FAM76A: variants seen among roughly 807,000 people sequenced by gnomAD.
The protein encoded by FAM76A is protein FAM76A.
A neutral mutation model predicts 46.2 loss-of-function variants in FAM76A; 32 were observed. The ratio of observed to expected loss-of-function variants is 0.69; its 90% CI spans 0.52 to 0.93. The LOEUF (loss-of-function observed/expected upper bound fraction) is 0.93. Ranked by LOEUF, FAM76A falls within the 40% of genes least tolerant of loss-of-function variation. The pLI is 0.00. For synonymous variants in FAM76A, 137 were observed against 127.0 expected, an observed-to-expected ratio of 1.08 and a Z score of -0.53; for missense variants, 274 against 361.5, an observed-to-expected ratio of 0.76 and a Z score of 1.96.
At chr1:27,744,215 G>A (rs1557781514) in intron 4 of FAM76A, among the ~76,000 whole-genome samples, 1 of 152,044 alleles carries the variant, frequency 6.6e-6, no homozygotes, top group African/African-American at 2.4e-5. Context: ...CACAACCTCC[G>A]CCTCCTGGGT....
chr1:27,726,573 G>A (rs545610645), intron 1 of FAM76A, among the ~76,000 whole-genome samples: 1 of 152,266 alleles, frequency 6.6e-6, no homozygotes, highest in East Asian at 1.9e-4. Flanking sequence ...TGTCGAACTC[G>A]GGCTCCTCAC....
At chr1:27,733,227 C>T (rs1179647643) in intron 3 of FAM76A, among the ~76,000 whole-genome samples, 2 of 152,196 alleles carry the variant, frequency 1.3e-5, no homozygotes, top group South Asian at 2.1e-4. Context: ...CCACTGCACC[C>T]GGCAAGATGA....
In FAM76A at chr1:27,755,304, C is replaced by A; in HGVS notation, c.709C>A (p.Gln237Lys). The A allele has an allele frequency of 6.2e-7, 1 of 1,614,124 alleles. No individual in the cohort carries two copies. The highest frequency in any genetic ancestry group is 8.5e-7 in the Non-Finnish European group (1 of 1,180,032). ...GAAGAAGATGTTGCATCAAAAGGAT[C>A]AAATGATTTTAGAGAAAGAGAAGAA... ...TLKKMLHQKD[Q>K]MILEKEKKIT... is the part of the protein sequence containing the mutation. The change falls in exon 7 of 9, where the codon CAA (glutamine) becomes AAA (lysine). Residue 237 changes from glutamine to lysine, a missense_variant. Gln to Lys is a moderately conservative substitution (Grantham distance 53). Coordinates refer to ENST00000373954, the MANE Select transcript of FAM76A (RefSeq NM_152660.3).
chr1:27,744,891 C>T, intron 5 of FAM76A, 80 bp downstream of exon 5: 1 of 1,342,794 alleles, frequency 7.4e-7, no homozygotes, highest in Admixed American at 2.0e-5. Flanking sequence ...ATGGTACATA[C>T]TACCATCTCA....
intron 7 of FAM76A, among the ~76,000 whole-genome samples, chr1:27,757,704 T>C (rs930124517): frequency 6.0e-5 from 9 of 150,324 alleles, no homozygotes; most frequent in East Asian, 4.1e-4. Context: ...AGGCCGGGCT[T>C]GGTGGCTCAT....
chr1:27,752,140 G>A (rs952832124), intron 6 of FAM76A, among the ~76,000 whole-genome samples: 4 of 152,020 alleles, frequency 2.6e-5, no homozygotes, highest in African/African-American at 9.7e-5. Context: ...CATGTTTTCT[G>A]CAAGTTGCTG....
intron 8 of FAM76A, 149 bp downstream of exon 8, chr1:27,759,776 T>TTG (rs1553179883): frequency 6.5e-6 from 4 of 617,312 alleles, no homozygotes; most frequent in African/African-American, 5.0e-5. Flanking sequence ...GTTTTTTTTT[T>TTG]TTGTTTTTTT....
intron 2 of FAM76A, 54 bp from the exon 3 acceptor site, chr1:27,732,549 G>A: frequency 6.5e-7 from 1 of 1,531,774 alleles, no homozygotes; most frequent in South Asian, 1.1e-5. Context: ...GCTTAAGGAG[G>A]TATCAGTTTT....
chr1:27,740,845 G>C (rs567290480), intron 4 of FAM76A, among the ~76,000 whole-genome samples: 1 of 151,996 alleles, frequency 6.6e-6, no homozygotes, highest in African/African-American at 2.4e-5. Context: ...AATTCATGTG[G>C]GGCCCGGGTG....
At chr1:27,754,960 C>T (rs2088385902) in intron 6 of FAM76A, among the ~76,000 whole-genome samples, 1 of 152,190 alleles carries the variant, frequency 6.6e-6, no homozygotes. Flanking sequence ...AGAGAAGATG[C>T]TGCAGGGATG....
At chr1:27,745,991 A>C (rs141150117) in intron 5 of FAM76A, among the ~76,000 whole-genome samples, 1 of 152,310 alleles carries the variant, frequency 6.6e-6, no homozygotes, top group East Asian at 1.9e-4. Context: ...GAAGGGATCT[A>C]TGCAGAGGAG....
At position 27,755,348 on chromosome 1, in the gene FAM76A, C is replaced by T. The variant is rs2088392843; in HGVS notation, c.735+18C>T. ...AGAAGAAGGTATGGTTTAGTTAATT[C>T]CTCTCTGACCAGAATGATGCGAGGG... On this transcript the variant is annotated intron_variant, in intron 7 of 8. Transcript: ENST00000373954. The T allele has an allele frequency of 6.2e-7, 1 of 1,613,552 alleles. No individual in the cohort carries two copies. The highest frequency in any genetic ancestry group is 8.5e-7 in the Non-Finnish European group (1 of 1,179,696).
intron 8 of FAM76A, 131 bp downstream of exon 8, chr1:27,759,758 C>T: frequency 4.6e-6 from 3 of 652,392 alleles, no homozygotes; most frequent in Non-Finnish European, 7.4e-6. Context: ...TGTTAATCCC[C>T]CTTTTAGGTT....
intron 3 of FAM76A, 89 bp from the exon 4 acceptor site, chr1:27,733,942 T>C: frequency 7.8e-7 from 1 of 1,286,470 alleles, no homozygotes; most frequent in South Asian, 1.3e-5. Context: ...CCATGACTAA[T>C]GAACTACAAA....
At chr1:27,744,248 C>T (rs2148577599) in intron 4 of FAM76A, among the ~76,000 whole-genome samples, 1 of 152,266 alleles carries the variant, frequency 6.6e-6, no homozygotes, top group Admixed American at 6.5e-5. Flanking sequence ...TCTGCCTCAG[C>T]CTCCTGAGTA....
chr1:27,734,102 A>C lies in FAM76A; in HGVS notation c.273A>C (p.Ser91=), dbSNP rs1437442260. Residue 91 remains serine, a synonymous_variant, in exon 4 of 9, where the codon TCA becomes TCC. Transcript: ENST00000373954. ...ATAAATGCCAGCGCTGCACAAATTC[A>C]GAAAAGAAGTATGGACCACCCTATT... ...IGNKCQRCTN[S]EKKYGPPYSC... is the part of the protein sequence containing the mutation. 3 of 1,613,166 alleles carry C rather than the reference A, an allele frequency of 1.9e-6. No individual in the cohort carries two copies. The highest frequency in any genetic ancestry group is 2.5e-6 in the Non-Finnish European group (3 of 1,179,882).
chr1:27,754,231 C>T (rs1377686322), intron 6 of FAM76A, among the ~76,000 whole-genome samples: 1 of 151,770 alleles, frequency 6.6e-6, no homozygotes, highest in Non-Finnish European at 1.5e-5. Flanking sequence ...CTCAGCCTCC[C>T]AAGTAGCTGG....
chr1:27,743,780 A>C (rs1557781277), intron 4 of FAM76A, among the ~76,000 whole-genome samples: 8 of 151,476 alleles, frequency 5.3e-5, no homozygotes, highest in Admixed American at 5.3e-4. Flanking sequence ...AAAAAAAAAA[A>C]CGAACACCTG....
At chr1:27,731,978 C>T (rs930640937) in intron 2 of FAM76A, among the ~76,000 whole-genome samples, 9 of 152,098 alleles carry the variant, frequency 5.9e-5, no homozygotes, top group East Asian at 3.9e-4. Context: ...CGCGCCACCA[C>T]GCCTGGCTAA....
Sources: gnomAD v4.1 joint callset for allele counts (sites outside exome capture counted in the v4.1 genomes callset) on GRCh38, gnomAD v4.1.1 for gene constraint, MANE v1.5 for transcripts, NCBI Gene and HGNC (gene_info 2026-07-23, HGNC 2026-07-21) for gene names.